RFTN2: variants seen among roughly 807,000 people sequenced by gnomAD.
RFTN2 encodes raftlin-2.
RFTN2 carries 34 observed loss-of-function variants against 52.7 expected under a neutral mutation model. The observed-to-expected ratio is 0.64, with a 90% CI of 0.49 to 0.86. The LOEUF is 0.86. RFTN2 is among the 40% of genes least tolerant of loss of function. RFTN2 has a pLI of 0.00. For synonymous variants in RFTN2, 203 were observed against 217.7 expected, an observed-to-expected ratio of 0.93 and a Z score of 0.59; for missense variants, 536 against 600.1, an observed-to-expected ratio of 0.89 and a Z score of 1.12.
chr2:197,607,977 T>G (rs2087989444), intron 7 of RFTN2, among the ~76,000 whole-genome samples: 1 of 152,270 alleles, frequency 6.6e-6, no homozygotes, highest in African/African-American at 2.4e-5. Flanking sequence ...ACAGCAAGAT[T>G]ACTATGAGTT....
chr2:197,627,554 G>A (rs896428502), intron 5 of RFTN2, among the ~76,000 whole-genome samples: 2 of 152,126 alleles, frequency 1.3e-5, no homozygotes, highest in Non-Finnish European at 2.9e-5. Context: ...CTCTACTAGT[G>A]CCACACAAAC....
chr2:197,604,105 T>G (rs2087923035), intron 7 of RFTN2, among the ~76,000 whole-genome samples: 1 of 152,174 alleles, frequency 6.6e-6, no homozygotes, highest in Admixed American at 6.5e-5. Flanking sequence ...ATACTCTCGA[T>G]CAAAATGGCA....
intron 6 of RFTN2, among the ~76,000 whole-genome samples, chr2:197,616,899 G>C (rs780053216): frequency 2.0e-5 from 3 of 152,170 alleles, no homozygotes; most frequent in Non-Finnish European, 4.4e-5. Flanking sequence ...AAAGGTAAAA[G>C]TATCCCTGAA....
At chr2:197,632,890 T>C (rs1483068583) in intron 4 of RFTN2, among the ~76,000 whole-genome samples, 1 of 152,196 alleles carries the variant, frequency 6.6e-6, no homozygotes, top group Non-Finnish European at 1.5e-5. Context: ...GCAGTTAATA[T>C]AGAGTTTATT....
chr2:197,596,089 T>C lies in RFTN2; in HGVS notation c.1155-20A>G, dbSNP rs956989586. On this transcript the variant is annotated intron_variant, in intron 7 of 8. Transcript: ENST00000295049. ...CCTTCACTGCAAATTAAAACAATAG[T>C]ATTAGTATTTGTGAGTTAGTAATTC... 2.0e-6 allele frequency: 3 copies of C among 1,493,482 alleles called. No individual in the cohort carries two copies. Among genetic ancestry groups the C allele is most frequent in the East Asian group, 2.3e-5 (1 of 44,112 alleles). 92.5% of individuals were successfully genotyped at this position (1,493,482 alleles called of 1,614,324 possible).
chr2:197,596,133 C>G (rs986971478), intron 7 of RFTN2, 64 bp from the exon 8 acceptor site: 1 of 906,366 alleles, frequency 1.1e-6, no homozygotes, highest in Non-Finnish European at 1.8e-6. Context: ...TCATAATTGG[C>G]TAGAACATTC....
At chr2:197,670,251 T>C (rs922046500) in intron 1 of RFTN2, among the ~76,000 whole-genome samples, 4 of 152,342 alleles carry the variant, frequency 2.6e-5, no homozygotes, top group Admixed American at 2.0e-4. Context: ...TTCTGCAGTA[T>C]TGTGTGAGTA....
intron 8 of RFTN2, among the ~76,000 whole-genome samples, chr2:197,578,489 A>G (rs766273314): frequency 1.3e-5 from 2 of 152,120 alleles, no homozygotes; most frequent in African/African-American, 2.4e-5. Context: ...AGAAGTGAAA[A>G]TGGCCATTTC....
intron 1 of RFTN2, among the ~76,000 whole-genome samples, chr2:197,661,838 G>A (rs2088981519): frequency 6.6e-6 from 1 of 152,160 alleles, no homozygotes; most frequent in Non-Finnish European, 1.5e-5. Context: ...CATTCTAACT[G>A]GGGTGAGATA....
intron 6 of RFTN2, among the ~76,000 whole-genome samples, chr2:197,616,965 G>A (rs1193046056): frequency 6.6e-6 from 1 of 152,188 alleles, no homozygotes; most frequent in Non-Finnish European, 1.5e-5. Flanking sequence ...AATTCAGTGT[G>A]TACACCTCAA....
At chr2:197,605,679 G>A (rs774627749) in intron 7 of RFTN2, among the ~76,000 whole-genome samples, 2 of 152,166 alleles carry the variant, frequency 1.3e-5, no homozygotes. Flanking sequence ...CATGCACATA[G>A]TAGACATCAC....
intron 1 of RFTN2, among the ~76,000 whole-genome samples, chr2:197,659,495 A>G (rs1037333255): frequency 2.7e-5 from 4 of 150,548 alleles, no homozygotes; most frequent in Admixed American, 1.3e-4. Flanking sequence ...AAAAAAAAAA[A>G]AAAAGAAATA....
intron 1 of RFTN2, among the ~76,000 whole-genome samples, chr2:197,655,176 G>A (rs2088877279): frequency 6.6e-6 from 1 of 152,096 alleles, no homozygotes; most frequent in Non-Finnish European, 1.5e-5. Context: ...TATACAACAT[G>A]TTAAAATAAT....
At chr2:197,609,817 G>A (rs575636495) in intron 7 of RFTN2, among the ~76,000 whole-genome samples, 1 of 152,274 alleles carries the variant, frequency 6.6e-6, no homozygotes, top group African/African-American at 2.4e-5. Flanking sequence ...AAGGGATCCA[G>A]TTTCAGCTTT....
rs2088854435 is a variant in RFTN2, at chr2:197,653,684, A to G, written c.140-7018T>C. On this transcript the variant is annotated intron_variant, in intron 1 of 8. Transcript: ENST00000295049. ...ATTATGGTGTTTGCCATTGCTTTCA[A>G]TGGCAAAGCAATTACTTTTGCAATA... 2.0e-5 allele frequency among the ~76,000 whole-genome samples: 3 copies of G among 152,318 alleles called. No homozygotes were observed. In the South Asian group the frequency reaches 6.2e-4, roughly 32 times the overall value.
Position 197,631,222 on chromosome 2 carries a change from T to C in RFTN2, c.719-2A>G, listed in dbSNP as rs373312996. 1.2e-6 allele frequency: 2 copies of C among 1,601,830 alleles called. No individual in the cohort carries two copies. The highest frequency in any genetic ancestry group is 2.7e-5 in the African/African-American group (2 of 74,554). On this transcript the variant is annotated splice_acceptor_variant, in intron 4 of 8. Transcript: ENST00000295049. LOFTEE classifies it high-confidence loss of function. The stretch of plus-strand genomic sequence containing the variant: ...CTGTATACAATTTGTTATCTGAGGC[T>C]AGGCATTCAGAAGGAGAAAAAAGGG...
At chr2:197,600,939 T>C (rs2087870156) in intron 7 of RFTN2, among the ~76,000 whole-genome samples, 1 of 152,210 alleles carries the variant, frequency 6.6e-6, no homozygotes, top group South Asian at 2.1e-4. Flanking sequence ...ACAAACTGTT[T>C]TGGTGACAAG....
At chr2:197,621,160 C>T (rs2088256943) in intron 5 of RFTN2, among the ~76,000 whole-genome samples, 1 of 151,940 alleles carries the variant, frequency 6.6e-6, no homozygotes, top group Non-Finnish European at 1.5e-5. Flanking sequence ...ATCACTAGAT[C>T]ATCTACAATT....
chr2:197,637,824 TG>T (rs2106241244), intron 3 of RFTN2, among the ~76,000 whole-genome samples: 1 of 152,178 alleles, frequency 6.6e-6, no homozygotes, highest in Non-Finnish European at 1.5e-5. Flanking sequence ...CTTTTAATTG[TG>T]ATGTTAGGGT....
Sources: gnomAD v4.1 joint callset for allele counts (sites outside exome capture counted in the v4.1 genomes callset) on GRCh38, gnomAD v4.1.1 for gene constraint, MANE v1.5 for transcripts, NCBI Gene and HGNC (gene_info 2026-07-23, HGNC 2026-07-21) for gene names.